Variants in LRRC7 observed in about 807,000 individuals in gnomAD.
LRRC7 encodes the protein leucine-rich repeat-containing protein 7.
In LRRC7, 23 loss-of-function variants were observed where a neutral mutation model predicts 175.7. That is an observed-to-expected ratio of 0.13 (90% CI 0.09 to 0.19). The LOEUF is 0.19. Ranked by LOEUF, LRRC7 falls within the 10% of genes least tolerant of loss-of-function variation. LRRC7 has a pLI of 1.00. For synonymous variants in LRRC7, 685 were observed against 680.9 expected, an observed-to-expected ratio of 1.01 and a Z score of -0.09; for missense variants, 1,354 against 1,904.7, an observed-to-expected ratio of 0.71 and a Z score of 5.38.
At chr1:69,917,223 A>T (rs1334741916) in intron 7 of LRRC7, among the ~76,000 whole-genome samples, 1 of 152,160 alleles carries the variant, frequency 6.6e-6, no homozygotes, top group East Asian at 1.9e-4. Context: ...AGCATTACTG[A>T]TGGAGAATGT....
intron 8 of LRRC7, among the ~76,000 whole-genome samples, chr1:69,979,878 C>G (rs1472619035): frequency 6.6e-6 from 1 of 151,548 alleles, no homozygotes; most frequent in Non-Finnish European, 1.5e-5. Flanking sequence ...TACGTTTGCA[C>G]CAACCCAGTA....
In LRRC7 at chr1:69,967,297, C is replaced by T. The variant is rs373234553; in HGVS notation, c.712-13082C>T. On this transcript the variant is annotated intron_variant, in intron 8 of 26. Coordinates refer to ENST00000651989, the MANE Select transcript of LRRC7 (RefSeq NM_001370785.2). Reference sequence around the variant, plus strand: ...TCCCCCACAGCAGCCACAGCAAGACCTGCCCAAGTAAAGTCTGAGGTCAGA... The same window carrying T: ...TCCCCCACAGCAGCCACAGCAAGACTTGCCCAAGTAAAGTCTGAGGTCAGA... Among the ~76,000 whole-genome samples the T allele has an allele frequency of 3.9e-5, 6 of 152,226 alleles. No homozygotes were observed. In the South Asian group the frequency reaches 1.2e-3, roughly 32 times the overall value.
rs1666688421 is a variant in LRRC7 at position 70,132,118 on chromosome 1, C to T, written c.*10231C>T. ...AAAAGAAATCAGATTCAGGCATATC[C>T]TCCAGTCTCTTCGTTCTGGTGACCA... On this transcript the variant is annotated 3_prime_UTR_variant, in exon 27 of 27. Transcript: ENST00000651989. The T allele has an allele frequency of 2.0e-5, 3 of 152,292 alleles. No homozygotes were observed. The South Asian group carries it at 6.2e-4, about 32-fold the overall frequency. The allele number at this position is 152,292 out of a possible 1,614,324, so 9.4% of individuals were successfully genotyped here.
chr1:69,919,362 G>A (rs924456561), intron 7 of LRRC7: 13 of 606,974 alleles, frequency 2.1e-5, no homozygotes, highest in Non-Finnish European at 3.5e-5. Flanking sequence ...GAAAGATGGC[G>A]GACGAGGAGA....
intron 6 of LRRC7, among the ~76,000 whole-genome samples, chr1:69,836,357 G>GAACT (rs1681104566): frequency 6.6e-6 from 1 of 152,004 alleles, no homozygotes; most frequent in Non-Finnish European, 1.5e-5. Flanking sequence ...TTCATCCACA[G>GAACT]AAACTAGCCT....
intron 2 of LRRC7, among the ~76,000 whole-genome samples, chr1:69,740,550 A>G (rs7541662): frequency 0.011 from 1,636 of 152,210 alleles, 40 homozygotes; most frequent in African/African-American, 0.037. Context: ...GCCAAGTGGT[A>G]GAAGATTTAC....
chr1:69,990,163 T>C (rs1463824310), intron 10 of LRRC7, among the ~76,000 whole-genome samples: 4 of 152,088 alleles, frequency 2.6e-5, no homozygotes, highest in Non-Finnish European at 2.9e-5. Context: ...CATAAAGCAA[T>C]GGCAAGCTTT....
intron 1 of LRRC7, among the ~76,000 whole-genome samples, chr1:69,596,482 G>C (rs886317909): frequency 4.6e-5 from 7 of 152,136 alleles, no homozygotes; most frequent in Non-Finnish European, 8.8e-5. Context: ...ATAATAACAT[G>C]CTCTAAATTC....
Position 69,760,479 on chromosome 1 carries a change from G to C in LRRC7, c.303+86G>C, listed in dbSNP as rs1670917712. 3 of 1,132,784 alleles carry C rather than the reference G, an allele frequency of 2.6e-6. No individual in the cohort carries two copies. In the Admixed American group the frequency reaches 6.0e-5, roughly 23 times the overall value. The allele number at this position is 1,132,784 out of a possible 1,614,324, so 70.2% of individuals were successfully genotyped here. On this transcript the variant is annotated intron_variant, in intron 3 of 26. Transcript: ENST00000651989. ...TTATTATAATGGTAATGTGAACTATGGGCTCCTATCTAGGTAACTGACAAG... is the reference window on the plus strand; with the variant it reads ...TTATTATAATGGTAATGTGAACTATCGGCTCCTATCTAGGTAACTGACAAG...
chr1:69,825,777 T>A lies in LRRC7; in HGVS notation c.451T>A (p.Cys151Ser). The change falls in exon 5 of 27, where the codon TGC becomes AGC. Residue 151 changes from cysteine to serine, a missense_variant. This residue lies in a region of LRRC7 where 201 missense variants were observed against 481.4 expected (regional missense o/e 0.42). Coordinates refer to ENST00000651989, the MANE Select transcript of LRRC7 (RefSeq NM_001370785.2). The stretch of plus-strand genomic sequence containing the variant: ...ACAAGAATTTCCAGAAAACATAAAG[T>A]GCTGTAAGTGTTTAACAATTATTGA... Reference protein sequence around the residue: ...GVQEFPENIKCCKCLTIIEAS... With the variant: ...GVQEFPENIKSCKCLTIIEAS... 6.2e-7 allele frequency: 1 copy of A among 1,606,914 alleles called. No homozygotes were observed. The highest frequency in any genetic ancestry group is 8.5e-7 in the Non-Finnish European group (1 of 1,175,992).
chr1:69,921,179 C>A (rs1016799292), intron 7 of LRRC7, among the ~76,000 whole-genome samples: 2 of 133,002 alleles, frequency 1.5e-5, no homozygotes, highest in African/African-American at 5.7e-5. Flanking sequence ...AATTCAAGAA[C>A]GTGTGTGGTA....
chr1:69,821,920 G>A (rs1441539308), intron 4 of LRRC7, among the ~76,000 whole-genome samples: 1 of 152,058 alleles, frequency 6.6e-6, no homozygotes, highest in Non-Finnish European at 1.5e-5. Context: ...TATTTTGGTG[G>A]TGTCATATTC....
At chr1:69,836,927 G>A (rs1196680216) in intron 6 of LRRC7, among the ~76,000 whole-genome samples, 1 of 151,168 alleles carries the variant, frequency 6.6e-6, no homozygotes, top group Non-Finnish European at 1.5e-5. Context: ...TAAAAATACA[G>A]TAAATATGGG....
chr1:69,916,331 A>C (rs1395839135), intron 7 of LRRC7, among the ~76,000 whole-genome samples: 1 of 142,414 alleles, frequency 7.0e-6, no homozygotes, highest in Non-Finnish European at 1.5e-5. Context: ...TTGTTGTTGC[A>C]CTTCAGATAT....
chr1:69,919,646 G>A, intron 7 of LRRC7: 1 of 873,556 alleles, frequency 1.1e-6, no homozygotes, highest in Non-Finnish European at 1.9e-6. Context: ...CAAGGCAGGA[G>A]AGAAGGACTT....
At chr1:69,933,108 G>T (rs181376979) in intron 8 of LRRC7, among the ~76,000 whole-genome samples, 3 of 152,336 alleles carry the variant, frequency 2.0e-5, no homozygotes, top group African/African-American at 7.2e-5. Flanking sequence ...CACCAGCCAT[G>T]ACCTCAGTAG....
chr1:70,051,812 C>G (rs966498134), intron 22 of LRRC7, among the ~76,000 whole-genome samples: 1 of 151,934 alleles, frequency 6.6e-6, no homozygotes, highest in African/African-American at 2.4e-5. Context: ...TTTTTCCAAG[C>G]AATGCCTTTA....
At chr1:69,835,687 T>A (rs1164716971) in intron 6 of LRRC7, among the ~76,000 whole-genome samples, 1 of 151,994 alleles carries the variant, frequency 6.6e-6, no homozygotes, top group Non-Finnish European at 1.5e-5. Context: ...AAATGTCTAT[T>A]GCCATTGTCA....
At chr1:70,034,955 T>C (rs1481884764) in intron 18 of LRRC7, among the ~76,000 whole-genome samples, 3 of 152,160 alleles carry the variant, frequency 2.0e-5, no homozygotes, top group Non-Finnish European at 4.4e-5. Flanking sequence ...TGGGGGTCCT[T>C]GGCAATATAT....
Sources: allele counts gnomAD v4.1 joint callset (sites outside exome capture counted in the v4.1 genomes callset), GRCh38; gene constraint gnomAD v4.1.1; regional missense constraint gnomAD v4.1.1; transcripts MANE v1.5; gene names NCBI Gene and HGNC (gene_info 2026-07-23, HGNC 2026-07-21).